The following KLF8 variants were observed in gnomAD, a reference collection of about 807,000 sequenced individuals.
KLF8 encodes the protein Krueppel-like factor 8.
KLF8 carries 10 observed loss-of-function variants against 18.2 expected under a neutral mutation model. The ratio of observed to expected loss-of-function variants is 0.55; its 90% CI spans 0.34 to 0.93. The LOEUF is 0.93. Ranked by LOEUF, KLF8 falls within the 40% of genes least tolerant of loss-of-function variation. KLF8 has a pLI of 0.02. For missense variants in KLF8, 264 were observed against 277.9 expected (o/e 0.95, Z 0.36); for synonymous variants, 109 against 97.3 (o/e 1.12, Z -0.71).
At chrX:56,091,939 T>C in the KLF8 span, among the ~76,000 whole-genome samples, 2 of 110,544 alleles carry the variant, frequency 1.8e-5, no homozygotes, top group East Asian at 2.8e-4. Flanking sequence ...CAACAGTGTA[T>C]AAGTATTTCC....
At chrX:56,028,596 G>A in the KLF8 span, among the ~76,000 whole-genome samples, 1 of 111,564 alleles carries the variant, frequency 9.0e-6, no homozygotes, top group African/African-American at 3.3e-5. Context: ...CCACGTACTG[G>A]AGCAAGACGC....
chrX:56,073,178 A>G, the KLF8 span, among the ~76,000 whole-genome samples: 998 of 110,243 alleles, frequency 9.1e-3, 9 homozygotes, highest in Non-Finnish European at 0.011. Flanking sequence ...TAGTAGAGTC[A>G]GGGTTTCACC....
the KLF8 span, among the ~76,000 whole-genome samples, chrX:55,960,659 A>T: frequency 6.3e-5 from 7 of 111,170 alleles, no homozygotes; most frequent in Non-Finnish European, 1.3e-4. Context: ...GAAGGAGAAG[A>T]AGAAGAAGAA....
At chrX:56,030,977 A>T in the KLF8 span, among the ~76,000 whole-genome samples, 4 of 110,579 alleles carry the variant, frequency 3.6e-5, no homozygotes, top group African/African-American at 6.6e-5. Context: ...CTGGCTTGCC[A>T]GTTACTTTGT....
At chrX:55,966,311 A>C in the KLF8 span, among the ~76,000 whole-genome samples, 1 of 112,211 alleles carries the variant, frequency 8.9e-6, no homozygotes, top group African/African-American at 3.2e-5. Context: ...GGGTGAGACC[A>C]AGTGCTTTGC....
At chrX:56,265,787 T>C (rs1183257785) in intron 3 of KLF8, 43 bp downstream of exon 3, 1 of 1,164,082 alleles carries the variant, frequency 8.6e-7, no homozygotes, top group Non-Finnish European at 1.1e-6. Flanking sequence ...CCTGAATCTA[T>C]TCCCTTTTAG....
chrX:55,979,370 G>C, the KLF8 span, among the ~76,000 whole-genome samples: 2 of 111,486 alleles, frequency 1.8e-5, no homozygotes, highest in African/African-American at 6.5e-5. Context: ...TCAGTTCTCA[G>C]AACGAGAAAA....
chrX:55,988,695 G>A, the KLF8 span, among the ~76,000 whole-genome samples: 1 of 111,071 alleles, frequency 9.0e-6, no homozygotes, highest in Admixed American at 9.6e-5. Context: ...GCTCTTTTTT[G>A]GTTCCATATG....
At chrX:56,051,012 C>A in the KLF8 span, among the ~76,000 whole-genome samples, 1 of 109,859 alleles carries the variant, frequency 9.1e-6, no homozygotes, top group East Asian at 2.8e-4. Context: ...GATCCCTTTA[C>A]CATTATGTAA....
Sources: allele counts gnomAD v4.1 joint callset (sites outside exome capture counted in the v4.1 genomes callset), GRCh38; gene constraint gnomAD v4.1.1; transcripts MANE v1.5; gene names NCBI Gene and HGNC (gene_info 2026-07-23, HGNC 2026-07-21).